ARHGEF38: variants seen among roughly 807,000 people sequenced by gnomAD.
The protein encoded by ARHGEF38 is Rho guanine nucleotide exchange factor (GEF) 38.
Under a neutral mutation model 79.9 loss-of-function variants are expected in ARHGEF38, and 79 were observed. The ratio of observed to expected loss-of-function variants is 0.99; its 90% confidence interval spans 0.82 to 1.19. The LOEUF (loss-of-function observed/expected upper bound fraction) is 1.19. Ranked by LOEUF, ARHGEF38 falls within the 50% of genes most tolerant of loss-of-function variation. The probability of loss-of-function intolerance (pLI) is 0.00; values close to 1 mark genes in which losing one functional copy is unlikely to be tolerated. For synonymous variants in ARHGEF38, 366 were observed against 328.3 expected, an observed-to-expected ratio of 1.11 and a Z score of -1.24; for missense variants, 962 against 907.2, an observed-to-expected ratio of 1.06 and a Z score of -0.78.
chr4:105,560,406 A>G (rs572845479), intron 1 of ARHGEF38, among the ~76,000 whole-genome samples: 1 of 152,322 alleles, frequency 6.6e-6, no homozygotes, highest in Admixed American at 6.5e-5. Flanking sequence ...AAAACTTAAT[A>G]TATATCAGAA....
At chr4:105,681,538 T>TG (rs1386364701), downstream of ARHGEF38, among the ~76,000 whole-genome samples, 5 of 152,186 alleles carry the variant, frequency 3.3e-5, no homozygotes, top group South Asian at 4.1e-4. Context: ...GTTTCTCTGA[T>TG]GCAGAGGGCT....
At chr4:105,662,730 G>C (rs1254509911) in intron 10 of ARHGEF38, among the ~76,000 whole-genome samples, 1 of 152,136 alleles carries the variant, frequency 6.6e-6, no homozygotes, top group Non-Finnish European at 1.5e-5. Context: ...CTGAGGTCAT[G>C]GTAGAAGGTG....
intron 3 of ARHGEF38, among the ~76,000 whole-genome samples, chr4:105,617,728 T>G (rs1161440949): frequency 6.6e-6 from 1 of 152,114 alleles, no homozygotes; most frequent in Non-Finnish European, 1.5e-5. Context: ...CAAATAACAA[T>G]TATTAAAAAC....
At chr4:105,568,293 C>T (rs953556905) in intron 1 of ARHGEF38, among the ~76,000 whole-genome samples, 3 of 151,546 alleles carry the variant, frequency 2.0e-5, no homozygotes, top group Non-Finnish European at 4.4e-5. Flanking sequence ...CAATGAGATA[C>T]CATCTCACAC....
chr4:105,631,909 T>G (rs1251184138), intron 4 of ARHGEF38, among the ~76,000 whole-genome samples: 1 of 152,190 alleles, frequency 6.6e-6, no homozygotes, highest in Admixed American at 6.5e-5. Context: ...CAAATAATTT[T>G]GATTAGACCA....
chr4:105,673,399 C>T (rs980907906), intron 13 of ARHGEF38, among the ~76,000 whole-genome samples: 6 of 152,048 alleles, frequency 3.9e-5, no homozygotes, highest in Admixed American at 1.3e-4. Context: ...TTTCTTTTTC[C>T]ACATAAGTAA....
chr4:105,603,374 C>T (rs1021618365), intron 2 of ARHGEF38, among the ~76,000 whole-genome samples: 1 of 152,062 alleles, frequency 6.6e-6, no homozygotes, highest in Non-Finnish European at 1.5e-5. Context: ...GCTCCTGACC[C>T]TCGGGAGGAT....
intron 4 of ARHGEF38, 182 bp downstream of exon 4, chr4:105,631,227 C>A: frequency 1.6e-6 from 2 of 1,248,634 alleles, no homozygotes; most frequent in Non-Finnish European, 2.0e-6. Context: ...ACTTTTTTTC[C>A]CCCTGCGAGA....
intron 2 of ARHGEF38, among the ~76,000 whole-genome samples, chr4:105,597,168 C>T (rs146345595): frequency 3.3e-5 from 5 of 151,964 alleles, no homozygotes; most frequent in African/African-American, 1.2e-4. Context: ...ATAAAAGGAC[C>T]AAGGCAAAAA....
At chr4:105,568,744 G>T (rs574570983) in intron 1 of ARHGEF38, among the ~76,000 whole-genome samples, 94 of 152,298 alleles carry the variant, frequency 6.2e-4, no homozygotes, top group Middle Eastern at 3.4e-3. Context: ...GTATCAAATG[G>T]TGTATGTGTG....
Position 105,680,300 on chromosome 4 carries a change from G to T in ARHGEF38, c.*2363G>T. On this transcript the variant is annotated 3_prime_UTR_variant, in exon 14 of 14. Transcript: ENST00000420470. ...TGATAGTCACCACATATCTACTAAT[G>T]GGATTAAAATGTACAATCCTAAAAG... is the stretch of plus-strand genomic sequence containing the variant. 3.1e-6 allele frequency: 1 copy of T among 323,920 alleles called. No homozygotes were observed. The highest frequency in any genetic ancestry group is 3.1e-5 in the South Asian group (1 of 32,468). 20.1% of individuals were successfully genotyped at this position (323,920 alleles called of 1,614,324 possible).
intron 4 of ARHGEF38, chr4:105,631,796 C>A: frequency 1.6e-6 from 1 of 608,548 alleles, no homozygotes; most frequent in Non-Finnish European, 2.1e-6. Flanking sequence ...TCTGAATATG[C>A]AGTTTCCTAT....
intron 1 of ARHGEF38, among the ~76,000 whole-genome samples, chr4:105,576,078 T>C (rs558114790): frequency 3.9e-5 from 6 of 152,198 alleles, no homozygotes; most frequent in Non-Finnish European, 8.8e-5. Flanking sequence ...AGTCCAGTAA[T>C]GTGATGTCTC....
intron 7 of ARHGEF38, among the ~76,000 whole-genome samples, chr4:105,649,120 CT>C (rs1446243780): frequency 6.6e-6 from 1 of 152,004 alleles, no homozygotes; most frequent in Non-Finnish European, 1.5e-5. Context: ...TTTATTTCAT[CT>C]TTATAAACAA....
chr4:105,595,538 G>A (rs957602761), intron 2 of ARHGEF38, among the ~76,000 whole-genome samples: 1 of 151,544 alleles, frequency 6.6e-6, no homozygotes, highest in Non-Finnish European at 1.5e-5. Context: ...AATTATTTTG[G>A]CTTATTGTTT....
chr4:105,574,930 T>C (rs1726416741), intron 1 of ARHGEF38, among the ~76,000 whole-genome samples: 1 of 151,962 alleles, frequency 6.6e-6, no homozygotes, highest in African/African-American at 2.4e-5. Flanking sequence ...TTCTTTTTTA[T>C]GGCTATATTC....
At chr4:105,618,565 G>A (rs1728606185) in intron 3 of ARHGEF38, among the ~76,000 whole-genome samples, 1 of 152,300 alleles carries the variant, frequency 6.6e-6, no homozygotes, top group South Asian at 2.1e-4. Context: ...AAGTTCCAGT[G>A]AGCTGAGATC....
At chr4:105,584,846 G>A (rs756000462) in intron 1 of ARHGEF38, among the ~76,000 whole-genome samples, 66 of 152,190 alleles carry the variant, frequency 4.3e-4, no homozygotes, top group South Asian at 1.7e-3. Context: ...GCAAAACGTG[G>A]CTATCAGTGA....
downstream of ARHGEF38, chr4:105,680,972 G>A (rs1325424109): frequency 2.0e-5 from 3 of 152,090 alleles, no homozygotes; most frequent in South Asian, 6.2e-4. Flanking sequence ...GAGTTTTTAT[G>A]TCAGGTAATT....
Sources: allele counts gnomAD v4.1 joint callset (sites outside exome capture counted in the v4.1 genomes callset), GRCh38; gene constraint gnomAD v4.1.1; transcripts MANE v1.5; gene names NCBI Gene and HGNC (gene_info 2026-07-23, HGNC 2026-07-21).